Variants in ASTN1 observed in about 807,000 individuals in gnomAD.
ASTN1 encodes the protein astrotactin-1.
In ASTN1, 41 loss-of-function variants were observed where a neutral mutation model predicts 140.7. The ratio of observed to expected loss-of-function variants is 0.29; its 90% CI spans 0.23 to 0.38. The LOEUF (loss-of-function observed/expected upper bound fraction) is 0.38. ASTN1 is among the 10% of genes least tolerant of loss of function. The pLI, the probability that ASTN1 is intolerant of heterozygous loss-of-function variation, is 1.00. For missense variants in ASTN1, 1,479 were observed against 1,678.8 expected (o/e 0.88, Z 2.08); for synonymous variants, 640 against 652.2 (o/e 0.98, Z 0.29).
At position 177,102,339 on chromosome 1, in the gene ASTN1, TGA is replaced by T. The variant is rs779924322; in HGVS notation, c.284-41076_284-41075del. On this transcript the variant is annotated intron_variant, in intron 1 of 22. Transcript: ENST00000361833. ...TTTATACAGAGAAGGAAGCAAACTCTGAGAGAGGATAAAACCTATGCAGGTTA... is the reference window on the plus strand; with the variant it reads ...TTTATACAGAGAAGGAAGCAAACTCTGAGAGGATAAAACCTATGCAGGTTA... 3.9e-5 allele frequency among the ~76,000 whole-genome samples: 6 copies of T among 152,198 alleles called. No homozygotes were observed. In the East Asian group the frequency reaches 9.6e-4, roughly 24 times the overall value.
chr1:176,936,151 T>C (rs958973123), intron 15 of ASTN1, 115 bp downstream of exon 15: 10 of 864,562 alleles, frequency 1.2e-5, no homozygotes, highest in African/African-American at 5.0e-5. Flanking sequence ...ACACATCTCA[T>C]GCAATAGCTA....
intron 1 of ASTN1, among the ~76,000 whole-genome samples, chr1:177,089,850 G>C (rs1323554700): frequency 6.6e-6 from 1 of 152,090 alleles, no homozygotes; most frequent in Non-Finnish European, 1.5e-5. Context: ...CACTGACATT[G>C]GTCACCTTTT....
At chr1:176,900,846 C>A (rs1557946020) in intron 16 of ASTN1, among the ~76,000 whole-genome samples, 1 of 152,196 alleles carries the variant, frequency 6.6e-6, no homozygotes, top group Non-Finnish European at 1.5e-5. Flanking sequence ...CTGCTCACCA[C>A]CAACACCATC....
chr1:176,936,157 A>G, intron 15 of ASTN1, 109 bp downstream of exon 15: 1 of 908,764 alleles, frequency 1.1e-6, no homozygotes, highest in South Asian at 1.4e-5. Context: ...CTCATGCAAT[A>G]GCTACATTTT....
intron 1 of ASTN1, among the ~76,000 whole-genome samples, chr1:177,069,156 A>G (rs1678508573): frequency 6.6e-6 from 1 of 152,106 alleles, no homozygotes; most frequent in Non-Finnish European, 1.5e-5. Flanking sequence ...AACTCATGAG[A>G]GTGACCTATT....
At chr1:177,056,798 T>C (rs1677830310) in intron 2 of ASTN1, among the ~76,000 whole-genome samples, 1 of 152,140 alleles carries the variant, frequency 6.6e-6, no homozygotes, top group Non-Finnish European at 1.5e-5. Flanking sequence ...TTAGCACAAG[T>C]ACAATAAGAA....
intron 16 of ASTN1, among the ~76,000 whole-genome samples, chr1:176,916,740 A>G (rs966063017): frequency 3.3e-5 from 5 of 152,060 alleles, no homozygotes; most frequent in Non-Finnish European, 7.4e-5. Context: ...TCATTTTCAC[A>G]TCTCCCAAGC....
chr1:176,915,237 A>G (rs1670430640), intron 16 of ASTN1, among the ~76,000 whole-genome samples: 1 of 152,168 alleles, frequency 6.6e-6, no homozygotes, highest in East Asian at 1.9e-4. Context: ...TACATTACTG[A>G]GGACCTACCA....
intron 1 of ASTN1, among the ~76,000 whole-genome samples, chr1:177,084,344 A>C (rs190476006): frequency 1.3e-5 from 2 of 152,322 alleles, no homozygotes; most frequent in East Asian, 3.9e-4. Flanking sequence ...GAAGGCTGCT[A>C]TGTGAGCTCT....
chr1:177,136,857 T>G (rs1309563481), intron 1 of ASTN1, among the ~76,000 whole-genome samples: 1 of 152,210 alleles, frequency 6.6e-6, no homozygotes, highest in Non-Finnish European at 1.5e-5. Flanking sequence ...CATATTATAC[T>G]TGGTTTCTGC....
At chr1:177,072,595 G>T (rs899953659) in intron 1 of ASTN1, among the ~76,000 whole-genome samples, 5 of 152,122 alleles carry the variant, frequency 3.3e-5, no homozygotes, top group Non-Finnish European at 1.5e-5. Context: ...GCTCAGCTGA[G>T]AATAACATAC....
intron 1 of ASTN1, among the ~76,000 whole-genome samples, chr1:177,075,385 T>C (rs1336470471): frequency 6.6e-6 from 1 of 150,944 alleles, no homozygotes; most frequent in Non-Finnish European, 1.5e-5. Flanking sequence ...TCTTGCTTTT[T>C]TAAAAGAAAA....
chr1:177,150,470 G>A (rs1014867033), intron 1 of ASTN1, among the ~76,000 whole-genome samples: 3 of 152,122 alleles, frequency 2.0e-5, no homozygotes, highest in African/African-American at 7.2e-5. Flanking sequence ...TGAAATTGAG[G>A]ATTCTAATAA....
chr1:177,103,596 T>C (rs992505981), intron 1 of ASTN1, among the ~76,000 whole-genome samples: 5 of 152,124 alleles, frequency 3.3e-5, no homozygotes, highest in African/African-American at 1.2e-4. Flanking sequence ...CATGCAAATA[T>C]AGCAAAACAA....
intron 16 of ASTN1, among the ~76,000 whole-genome samples, chr1:176,918,867 A>T (rs1670608184): frequency 6.6e-6 from 1 of 152,108 alleles, no homozygotes. Context: ...GCCTCCAGCC[A>T]GGCCCCTGTT....
chr1:177,024,470 T>C, intron 6 of ASTN1, 113 bp downstream of exon 6: 4 of 1,360,494 alleles, frequency 2.9e-6, no homozygotes, highest in Non-Finnish European at 4.0e-6. Context: ...CAGTTTGGTT[T>C]TCCCCCGGTA....
intron 13 of ASTN1, among the ~76,000 whole-genome samples, chr1:176,944,275 G>A (rs977046722): frequency 4.0e-5 from 6 of 151,884 alleles, no homozygotes; most frequent in Non-Finnish European, 8.8e-5. Flanking sequence ...TATTATTTTT[G>A]TTGGGACATT....
At chr1:176,995,467 C>G (rs1674395719) in intron 8 of ASTN1, among the ~76,000 whole-genome samples, 1 of 152,070 alleles carries the variant, frequency 6.6e-6, no homozygotes, top group East Asian at 1.9e-4. Context: ...CCTGGGATGG[C>G]AGAGGGAGCA....
intron 1 of ASTN1, among the ~76,000 whole-genome samples, chr1:177,072,665 C>A (rs1023135653): frequency 6.6e-6 from 1 of 152,144 alleles, no homozygotes; most frequent in African/African-American, 2.4e-5. Flanking sequence ...AATTCTAAAG[C>A]CCTCCCTCCT....
Sources: gnomAD v4.1 joint callset for allele counts (sites outside exome capture counted in the v4.1 genomes callset) on GRCh38, gnomAD v4.1.1 for gene constraint, MANE v1.5 for transcripts, NCBI Gene and HGNC (gene_info 2026-07-23, HGNC 2026-07-21) for gene names.